CEACAM5: variants seen among roughly 807,000 people sequenced by gnomAD.
CEACAM5 encodes the protein cell adhesion molecule CEACAM5.
CEACAM5 carries 52 observed loss-of-function variants against 63.0 expected under a neutral mutation model. The ratio of observed to expected loss-of-function variants is 0.83; its 90% CI spans 0.66 to 1.04. The LOEUF is 1.04. CEACAM5 is among the 50% of genes least tolerant of loss of function. The probability of loss-of-function intolerance (pLI) is 0.00; values close to 1 mark genes in which losing one functional copy is unlikely to be tolerated. For synonymous variants in CEACAM5, 357 were observed against 351.3 expected, an observed-to-expected ratio of 1.02 and a Z score of -0.18; for missense variants, 790 against 864.8, an observed-to-expected ratio of 0.91 and a Z score of 1.08.
chr19:41,721,567 G>A (rs1458298713), intron 8 of CEACAM5, among the ~76,000 whole-genome samples: 2 of 152,244 alleles, frequency 1.3e-5, no homozygotes, highest in Non-Finnish European at 2.9e-5. Context: ...GAACAAGGAG[G>A]CTTTGAAACC....
rs782729946 is a variant in CEACAM5 at position 41,729,408 on chromosome 19, C to G, written c.*261C>G. ...GCTGAGGCAGGAGAATCGCTTGAACCCGGGAGGTGGAGATTGCAGTGAGCC... is the reference window on the plus strand; with the variant it reads ...GCTGAGGCAGGAGAATCGCTTGAACGCGGGAGGTGGAGATTGCAGTGAGCC... On this transcript the variant is annotated 3_prime_UTR_variant, in exon 10 of 10. Coordinates refer to ENST00000221992, the MANE Select transcript of CEACAM5 (RefSeq NM_004363.6). The G allele has an allele frequency of 6.6e-6, 1 of 152,088 alleles. No individual in the cohort carries two copies. Among genetic ancestry groups the G allele is most frequent in the African/African-American group, 2.4e-5 (1 of 41,354 alleles). 9.4% of individuals were successfully genotyped at this position (152,088 alleles called of 1,614,324 possible). A position where few individuals can be genotyped will look rare whatever the true frequency, so the allele number is the denominator to read the frequency against.
intron 4 of CEACAM5, 75 bp from the exon 5 acceptor site, chr19:41,717,380 A>G: frequency 6.6e-7 from 1 of 1,524,836 alleles, no homozygotes; most frequent in South Asian, 1.2e-5. Flanking sequence ...GGGAGATGCC[A>G]ACTCTGATTG....
At chr19:41,726,841 A>G (rs910048921) in intron 8 of CEACAM5, among the ~76,000 whole-genome samples, 1 of 152,226 alleles carries the variant, frequency 6.6e-6, no homozygotes, top group Admixed American at 6.5e-5. Flanking sequence ...TACAGAATGC[A>G]CTAGCCTGGG....
intron 9 of CEACAM5, among the ~76,000 whole-genome samples, chr19:41,728,500 A>C (rs1485647072): frequency 6.6e-6 from 1 of 152,196 alleles, no homozygotes; most frequent in Non-Finnish European, 1.5e-5. Flanking sequence ...AGAATTGCCC[A>C]TGGAGTTTTT....
In CEACAM5 at chr19:41,717,658, G is replaced by A; in HGVS notation, c.1162G>A (p.Val388Ile). The A allele has an allele frequency of 1.2e-6, 2 of 1,614,240 alleles. No homozygotes were observed. Among genetic ancestry groups the A allele is most frequent in the Non-Finnish European group, 1.7e-6 (2 of 1,180,038 alleles). Residue 388 changes from valine (V) to isoleucine (I), a missense_variant, in exon 5 of 10, where the codon GTA becomes ATA. Transcript: ENST00000221992. ...LTLLSVTRND[V>I]GPYECGIQNE... ...TCTACTCAGTGTCACAAGGAATGAT[G>A]TAGGACCCTATGAGTGTGGAATCCA...
intron 1 of CEACAM5, 109 bp from the exon 2 acceptor site, chr19:41,709,571 C>A: frequency 6.7e-7 from 1 of 1,500,648 alleles, no homozygotes. Context: ...CACACACTCA[C>A]TCACTCCAGG....
rs782511943 is a variant in CEACAM5 at position 41,715,204 on chromosome 19, C to T, written c.658C>T (p.Pro220Ser). 1.2e-6 allele frequency: 2 copies of T among 1,614,198 alleles called. No individual in the cohort carries two copies. The highest frequency in any genetic ancestry group is 1.7e-5 in the Admixed American group (1 of 60,020). Reference protein sequence around the residue: ...TASYKCETQNPVSARRSDSVI... With the variant: ...TASYKCETQNSVSARRSDSVI... ...AAGCTACAAATGTGAAACCCAGAACCCAGTGAGTGCCAGGCGCAGTGATTC... is the reference window on the plus strand; with the variant it reads ...AAGCTACAAATGTGAAACCCAGAACTCAGTGAGTGCCAGGCGCAGTGATTC... The change falls in exon 3 of 10, where the codon CCA (proline) becomes TCA (serine). Residue 220 changes from proline (P) to serine (S), a missense_variant. Transcript: ENST00000221992.
At position 41,720,975 on chromosome 19, in the gene CEACAM5, G is replaced by C; in HGVS notation, c.1825G>C (p.Ala609Pro). Reference sequence around the variant, plus strand: ...CCCAGACTCGTCTTACCTTTCGGGAGCGAACCTCAACCTCTCCTGCCACTC... The same window carrying C: ...CCCAGACTCGTCTTACCTTTCGGGACCGAACCTCAACCTCTCCTGCCACTC... ...SPPDSSYLSG[A>P]NLNLSCHSAS... Residue 609 changes from alanine to proline, a missense_variant, in exon 8 of 10, where the codon GCG (alanine) becomes CCG (proline). Coordinates refer to ENST00000221992, the MANE Select transcript of CEACAM5 (RefSeq NM_004363.6). 1.2e-6 allele frequency: 2 copies of C among 1,613,962 alleles called. No individual in the cohort carries two copies.
At chr19:41,711,807 C>T (rs1341384590) in intron 2 of CEACAM5, among the ~76,000 whole-genome samples, 2 of 152,172 alleles carry the variant, frequency 1.3e-5, no homozygotes, top group Non-Finnish European at 2.9e-5. Context: ...ACTCTTAGGC[C>T]TTCCCCAGAC....
rs782401497 is a variant in CEACAM5, at chr19:41,721,000, C to T, written c.1850C>T (p.Ser617Leu). 4 of 1,614,158 alleles carry T rather than the reference C, an allele frequency of 2.5e-6. No homozygotes were observed. Among genetic ancestry groups the T allele is most frequent in the African/African-American group, 1.3e-5 (1 of 75,034 alleles). The change falls in exon 8 of 10, where the codon TCG becomes TTG. Residue 617 changes from serine (S) to leucine (L), a missense_variant. By Grantham distance (145) the Ser-to-Leu change is moderately radical. Coordinates refer to ENST00000221992, the MANE Select transcript of CEACAM5 (RefSeq NM_004363.6). ...GCGAACCTCAACCTCTCCTGCCACT[C>T]GGCCTCTAACCCATCCCCGCAGTAT... Reference protein sequence around the residue: ...SGANLNLSCHSASNPSPQYSW... With the variant: ...SGANLNLSCHLASNPSPQYSW...
intron 9 of CEACAM5, among the ~76,000 whole-genome samples, chr19:41,728,426 G>C (rs1374201025): frequency 1.3e-5 from 2 of 152,158 alleles, no homozygotes; most frequent in Non-Finnish European, 2.9e-5. Flanking sequence ...AGCCAGGATG[G>C]AGAAACCCTG....
In CEACAM5 at chr19:41,720,208, TGTGA is replaced by T. The variant is rs782045232; in HGVS notation, c.1771+3_1771+6del. On this transcript the variant is annotated splice_donor_variant and splice_donor_region_variant and intron_variant, in intron 7 of 9. Coordinates refer to ENST00000221992, the MANE Select transcript of CEACAM5 (RefSeq NM_004363.6). LOFTEE classifies it high-confidence loss of function. Reference sequence around the variant, plus strand: ...TGACCCAGTCACCCTGGATGTCCTCTGTGAGTATCTTCTGTTCCTCTGTGGCCCT... The same window carrying T: ...TGACCCAGTCACCCTGGATGTCCTCTGTATCTTCTGTTCCTCTGTGGCCCT... 1 of 1,613,212 alleles carries T rather than the reference TGTGA, an allele frequency of 6.2e-7. No homozygotes were observed. The highest frequency in any genetic ancestry group is 8.5e-7 in the Non-Finnish European group (1 of 1,179,206).
chr19:41,728,792 A>T (rs2072734361), intron 9 of CEACAM5, among the ~76,000 whole-genome samples: 1 of 151,360 alleles, frequency 6.6e-6, no homozygotes, highest in South Asian at 2.1e-4. Context: ...GTCTCAAAAA[A>T]AAAAAAAAAA....
rs114280303 is a variant in CEACAM5, at chr19:41,716,958, G to A, written c.959-497G>A. Among the ~76,000 whole-genome samples, 667 of 152,280 alleles carry A rather than the reference G, an allele frequency of 4.4e-3. 3 individuals carry two copies. The highest frequency in any genetic ancestry group is 0.015 in the African/African-American group (635 of 41,542). ...TCTGATCCCTGACTTGTCACCTCTA[G>A]ACATGCTCCTAGTCTCCTGCACTAT... On this transcript the variant is annotated intron_variant, in intron 4 of 9. Coordinates refer to ENST00000221992, the MANE Select transcript of CEACAM5 (RefSeq NM_004363.6).
At chr19:41,715,374 T>A in intron 3 of CEACAM5, 125 bp downstream of exon 3, 1 of 1,421,788 alleles carries the variant, frequency 7.0e-7, no homozygotes, top group Non-Finnish European at 9.9e-7. Context: ...CCAGACTGTC[T>A]GTGACTTTCT....
chr19:41,721,215 G>C, intron 8 of CEACAM5, 39 bp downstream of exon 8: 1 of 1,608,694 alleles, frequency 6.2e-7, no homozygotes, highest in Non-Finnish European at 8.5e-7. Flanking sequence ...ATATTCTGGG[G>C]TGGAGTCTAT....
At chr19:41,711,989 G>A (rs782790518) in intron 2 of CEACAM5, among the ~76,000 whole-genome samples, 4 of 152,202 alleles carry the variant, frequency 2.6e-5, no homozygotes, top group Non-Finnish European at 4.4e-5. Flanking sequence ...AGGAGAATGA[G>A]CTTCCGCTGT....
chr19:41,715,976 G>A lies in CEACAM5; in HGVS notation c.958+72G>A, dbSNP rs10425398. 0.017 allele frequency: 25,708 copies of A among 1,553,882 alleles called. 3,422 individuals are homozygous for A. The African/African-American group carries it at 0.3, about 18-fold the overall frequency. On this transcript the variant is annotated intron_variant, in intron 4 of 9. Transcript: ENST00000221992. The stretch of plus-strand genomic sequence containing the variant: ...TGTCTGGTTTTCAAACAAGAGCCAG[G>A]AAGACATTTTCTATCCCAGCCTGTG...
intron 3 of CEACAM5, 95 bp from the exon 4 acceptor site, chr19:41,715,555 A>G: frequency 1.3e-6 from 2 of 1,494,550 alleles, no homozygotes; most frequent in African/African-American, 1.4e-5. Flanking sequence ...TAGGATTGTG[A>G]TTCAGCTTAG....
Sources: allele counts gnomAD v4.1 joint callset (sites outside exome capture counted in the v4.1 genomes callset), GRCh38; gene constraint gnomAD v4.1.1; transcripts MANE v1.5; gene names NCBI Gene and HGNC (gene_info 2026-07-23, HGNC 2026-07-21).